Variants in VPS8 observed in about 807,000 individuals in gnomAD.
VPS8 encodes vacuolar protein sorting-associated protein 8 homolog.
A neutral mutation model predicts 216.4 loss-of-function variants in VPS8; 129 were observed. The ratio of observed to expected loss-of-function variants is 0.60; its 90% CI spans 0.52 to 0.69. VPS8 has a LOEUF of 0.69. VPS8 is among the 30% of genes least tolerant of loss of function. The probability of loss-of-function intolerance (pLI) is 0.00; values close to 1 mark genes in which losing one functional copy is unlikely to be tolerated. For missense variants in VPS8, 1,531 were observed against 1,683.5 expected (o/e 0.91, Z 1.59); for synonymous variants, 571 against 565.4 (o/e 1.01, Z -0.14).
chr3:185,021,586 C>T (rs1756669197), intron 45 of VPS8, among the ~76,000 whole-genome samples: 1 of 152,198 alleles, frequency 6.6e-6, no homozygotes, highest in Admixed American at 6.5e-5. Flanking sequence ...CTACATCATA[C>T]ATCTGGAGTG....
At chr3:184,973,046 A>G (rs191040112) in intron 40 of VPS8, among the ~76,000 whole-genome samples, 1 of 152,372 alleles carries the variant, frequency 6.6e-6, no homozygotes, top group East Asian at 1.9e-4. Context: ...TTTCAAGGTC[A>G]TAAATTATGA....
intron 29 of VPS8, among the ~76,000 whole-genome samples, chr3:184,921,095 C>T (rs1045164154): frequency 2.0e-5 from 3 of 152,124 alleles, no homozygotes; most frequent in African/African-American, 7.2e-5. Flanking sequence ...CAGTCTTGTC[C>T]TCCTTTAATT....
chr3:184,866,277 T>G (rs1446459074), intron 16 of VPS8, among the ~76,000 whole-genome samples: 2 of 152,208 alleles, frequency 1.3e-5, no homozygotes, highest in Non-Finnish European at 2.9e-5. Context: ...ACATACTAAG[T>G]AAAAGAAGAC....
chr3:184,921,361 C>T (rs571709057), intron 29 of VPS8, among the ~76,000 whole-genome samples: 78 of 152,240 alleles, frequency 5.1e-4, no homozygotes, highest in Admixed American at 1.6e-3. Flanking sequence ...ATGGCTGCTC[C>T]GGCTCCTGCT....
intron 46 of VPS8, among the ~76,000 whole-genome samples, chr3:185,031,714 A>G (rs1453844849): frequency 6.6e-6 from 1 of 152,190 alleles, no homozygotes; most frequent in African/African-American, 2.4e-5. Flanking sequence ...TGGTAGAACA[A>G]GGTATCTTGA....
At chr3:184,903,555 G>A (rs1391957537) in intron 25 of VPS8, among the ~76,000 whole-genome samples, 1 of 152,058 alleles carries the variant, frequency 6.6e-6, no homozygotes, top group Non-Finnish European at 1.5e-5. Flanking sequence ...GGGATCAAGT[G>A]ATCCTCCTTC....
chr3:184,889,353 T>C (rs1731906705), intron 22 of VPS8, among the ~76,000 whole-genome samples: 1 of 152,164 alleles, frequency 6.6e-6, no homozygotes, highest in South Asian at 2.1e-4. Context: ...TAGTATATAC[T>C]CCTCACCTCC....
chr3:184,863,369 T>TA (rs1232583909), intron 16 of VPS8, among the ~76,000 whole-genome samples: 1 of 152,220 alleles, frequency 6.6e-6, no homozygotes. Context: ...AGAAAAATTG[T>TA]AAAAATCAAA....
chr3:184,831,210 TC>T (rs1390885017), intron 3 of VPS8, among the ~76,000 whole-genome samples: 1 of 152,158 alleles, frequency 6.6e-6, no homozygotes, highest in African/African-American at 2.4e-5. Flanking sequence ...GCACCTGTAG[TC>T]CCAGCTTCTT....
At chr3:184,889,258 C>G (rs999302636) in intron 22 of VPS8, among the ~76,000 whole-genome samples, 2 of 151,950 alleles carry the variant, frequency 1.3e-5, no homozygotes. Flanking sequence ...TTTCCTGATT[C>G]CTTAGCATGC....
rs537956522 is a variant in VPS8 at position 185,032,095 on chromosome 3, C to T, written c.4056+7706C>T. ...AGGAGAATTGCTTGAACCCGGGAGG[C>T]GGAGGTTGCAGTGAGCTGAGATTGC... On this transcript the variant is annotated intron_variant, in intron 46 of 47. Coordinates refer to ENST00000625842, the MANE Select transcript of VPS8 (RefSeq NM_001009921.3). Among the ~76,000 whole-genome samples the T allele has an allele frequency of 5.3e-5, 8 of 151,950 alleles. No individual in the cohort carries two copies. In the East Asian group the frequency reaches 1.2e-3, roughly 22 times the overall value.
chr3:184,957,237 C>T, intron 36 of VPS8, 137 bp from the exon 37 acceptor site: 2 of 901,784 alleles, frequency 2.2e-6, no homozygotes, highest in South Asian at 1.9e-5. Flanking sequence ...AACATTGAGA[C>T]TTTCAATTCA....
At chr3:184,978,440 G>A (rs1455527196) in intron 40 of VPS8, among the ~76,000 whole-genome samples, 1 of 151,100 alleles carries the variant, frequency 6.6e-6, no homozygotes, top group Non-Finnish European at 1.5e-5. Context: ...TTGAGGCAGG[G>A]TCTTGCTCTG....
chr3:185,010,624 G>T (rs906117567), intron 45 of VPS8, among the ~76,000 whole-genome samples: 2 of 151,938 alleles, frequency 1.3e-5, no homozygotes, highest in Non-Finnish European at 2.9e-5. Flanking sequence ...ATTAATAGCA[G>T]GATGGGCATT....
chr3:185,024,460 T>C, intron 46 of VPS8, 71 bp downstream of exon 46: 1 of 1,430,816 alleles, frequency 7.0e-7, no homozygotes, highest in Non-Finnish European at 9.6e-7. Flanking sequence ...GGAACAATAT[T>C]CTCAACATGG....
chr3:184,855,780 C>T lies in VPS8; in HGVS notation c.1105C>T (p.Leu369Phe). The T allele has an allele frequency of 1.2e-6, 2 of 1,613,738 alleles. No homozygotes were observed. The highest frequency in any genetic ancestry group is 1.7e-6 in the Non-Finnish European group (2 of 1,179,794). Residue 369 changes from leucine to phenylalanine, a missense_variant, in exon 14 of 48, where the codon CTT becomes TTT. Physicochemically the swap from Leu to Phe is conservative, Grantham distance 22. Transcript: ENST00000625842. Reference sequence around the variant, plus strand: ...AGTACAAAATTACGTGAATCCCATGCTTGCCTTCTGCAGAGGAGATGTTGT... The same window carrying T: ...AGTACAAAATTACGTGAATCCCATGTTTGCCTTCTGCAGAGGAGATGTTGT... Reference protein sequence around the residue: ...VAVQNYVNPMLAFCRGDVVHF... With the variant: ...VAVQNYVNPMFAFCRGDVVHF...
intron 7 of VPS8, among the ~76,000 whole-genome samples, chr3:184,842,852 C>T (rs1350622108): frequency 6.6e-6 from 1 of 151,824 alleles, no homozygotes; most frequent in Admixed American, 6.6e-5. Flanking sequence ...TATATTGGTA[C>T]TTACCTTATA....
intron 45 of VPS8, among the ~76,000 whole-genome samples, chr3:185,019,566 C>T (rs373851955): frequency 6.6e-6 from 1 of 152,228 alleles, no homozygotes; most frequent in Non-Finnish European, 1.5e-5. Flanking sequence ...GGCTAGTTAT[C>T]TGCAACAGGA....
chr3:184,832,078 C>A (rs550621029), intron 3 of VPS8, among the ~76,000 whole-genome samples: 6 of 152,176 alleles, frequency 3.9e-5, no homozygotes, highest in Non-Finnish European at 8.8e-5. Flanking sequence ...GCCCTGCTGC[C>A]ATCTAGTGTA....
Sources: gnomAD v4.1 joint callset for allele counts (sites outside exome capture counted in the v4.1 genomes callset) on GRCh38, gnomAD v4.1.1 for gene constraint, MANE v1.5 for transcripts, NCBI Gene and HGNC (gene_info 2026-07-23, HGNC 2026-07-21) for gene names.